Variants in FLRT1 observed in about 807,000 individuals in gnomAD.
FLRT1 encodes the protein fibronectin leucine rich transmembrane protein 1.
In FLRT1, 14 loss-of-function variants were observed where a neutral mutation model predicts 30.9. The ratio of observed to expected loss-of-function variants is 0.45; its 90% confidence interval spans 0.30 to 0.71. The LOEUF (loss-of-function observed/expected upper bound fraction) is 0.71. FLRT1 is among the 30% of genes least tolerant of loss of function. The pLI is 0.08. For missense variants in FLRT1, 737 were observed against 949.2 expected (o/e 0.78, Z 2.94); for synonymous variants, 368 against 430.4 (o/e 0.85, Z 1.80).
chr11:64,112,945 C>T (rs1408127914), intron 2 of FLRT1, among the ~76,000 whole-genome samples: 2 of 152,208 alleles, frequency 1.3e-5, no homozygotes, highest in East Asian at 3.8e-4. Flanking sequence ...ATTCTGTCAT[C>T]GGGTGGTCAC....
intron 1 of FLRT1, among the ~76,000 whole-genome samples, chr11:64,077,428 T>G (rs557844342): frequency 6.6e-6 from 1 of 152,266 alleles, no homozygotes; most frequent in South Asian, 2.1e-4. Context: ...TCCTCGGATT[T>G]TCCCCCCAAG....
intron 1 of FLRT1, among the ~76,000 whole-genome samples, chr11:64,092,073 T>C (rs1036583868): frequency 6.6e-5 from 10 of 152,266 alleles, no homozygotes; most frequent in East Asian, 1.9e-4. Flanking sequence ...GCCAGGACCA[T>C]AGCACACTCT....
chr11:64,113,142 T>G (rs1443431871), intron 2 of FLRT1, among the ~76,000 whole-genome samples: 1 of 152,240 alleles, frequency 6.6e-6, no homozygotes, highest in African/African-American at 2.4e-5. Context: ...TTGAGTAAGC[T>G]AACATCTCTG....
chr11:64,065,596 T>C (rs540673504), intron 1 of FLRT1, among the ~76,000 whole-genome samples: 89 of 150,710 alleles, frequency 5.9e-4, no homozygotes, highest in Admixed American at 2.8e-3. Flanking sequence ...AAGACCATCC[T>C]GGCTAACACG....
At chr11:64,077,422 C>T (rs1055133573) in intron 1 of FLRT1, among the ~76,000 whole-genome samples, 11 of 152,200 alleles carry the variant, frequency 7.2e-5, no homozygotes, top group African/African-American at 1.4e-4. Flanking sequence ...GCCCCGTCCT[C>T]GGATTTTCCC....
intron 1 of FLRT1, among the ~76,000 whole-genome samples, chr11:64,043,987 A>T (rs537069917): frequency 6.6e-6 from 1 of 152,032 alleles, no homozygotes; most frequent in South Asian, 2.1e-4. Flanking sequence ...CTAATTTTTC[A>T]TATTTTTAGT....
chr11:64,105,611 G>A (rs4980504), intron 2 of FLRT1, among the ~76,000 whole-genome samples: 61,068 of 152,026 alleles, frequency 0.4, 15,037 homozygotes, highest in Non-Finnish European at 0.55. Context: ...GCTAAGAGGC[G>A]TGACCCCACA....
At chr11:64,098,458 G>A (rs115020212) in intron 1 of FLRT1, among the ~76,000 whole-genome samples, 65 of 152,296 alleles carry the variant, frequency 4.3e-4, no homozygotes, top group African/African-American at 1.5e-3. Flanking sequence ...GCCCCCACAC[G>A]GCAATGCTCT....
rs1053939645 is a variant in FLRT1 at position 64,117,329 on chromosome 11, C to T, written c.1062C>T (p.Gly354=). Residue 354 remains glycine (G), a synonymous_variant, in exon 3 of 3, where the codon GGC becomes GGT. Transcript: ENST00000682287. ...KARAAVVNVR[G]LMCQGPEKVR... is the part of the protein sequence containing the mutation. ...GGGCGGCCGTGGTCAACGTGCGGGG[C>T]CTCATGTGCCAGGGCCCTGAGAAGG... 1.2e-6 allele frequency: 2 copies of T among 1,613,964 alleles called. No individual in the cohort carries two copies. Among genetic ancestry groups the T allele is most frequent in the African/African-American group, 2.7e-5 (2 of 74,936 alleles).
At chr11:64,108,079 C>T (rs557738382) in intron 2 of FLRT1, among the ~76,000 whole-genome samples, 7 of 152,102 alleles carry the variant, frequency 4.6e-5, no homozygotes, top group Admixed American at 3.3e-4. Flanking sequence ...TTTGGGAGGC[C>T]GAGGCGGGCA....
At chr11:64,097,149 C>T (rs1236490758) in intron 1 of FLRT1, among the ~76,000 whole-genome samples, 1 of 152,238 alleles carries the variant, frequency 6.6e-6, no homozygotes, top group African/African-American at 2.4e-5. Context: ...GCAGCTTCAG[C>T]TAGGGAACCC....
intron 1 of FLRT1, among the ~76,000 whole-genome samples, chr11:64,085,907 A>G (rs532632863): frequency 6.7e-6 from 1 of 149,628 alleles, no homozygotes; most frequent in African/African-American, 2.5e-5. Context: ...CTCAGGGGCC[A>G]CCCCACCCCC....
In FLRT1 at chr11:64,117,882, C is replaced by G. The variant is rs1347041558; in HGVS notation, c.1615C>G (p.Leu539Val). ...TADSYGPTTTLNQEQNAGPMA... is the reference protein window; with the variant it reads ...TADSYGPTTTVNQEQNAGPMA... ...CGACAGCTATGGCCCTACCACCACACTCAACCAGGAGCAGAACGCTGGCCC... is the reference window on the plus strand; with the variant it reads ...CGACAGCTATGGCCCTACCACCACAGTCAACCAGGAGCAGAACGCTGGCCC... Residue 539 changes from leucine to valine, a missense_variant, in exon 3 of 3, where the codon CTC (leucine) becomes GTC (valine). Leu to Val is a conservative substitution (Grantham distance 32, BLOSUM62 1). Transcript: ENST00000682287. 6.2e-7 allele frequency: 1 copy of G among 1,614,056 alleles called. No homozygotes were observed.
At position 64,096,857 on chromosome 11, in the gene FLRT1, T is replaced by C. The variant is rs1199633221; in HGVS notation, c.-1037-6337T>C. Among the ~76,000 whole-genome samples the C allele has an allele frequency of 6.6e-6, 1 of 152,128 alleles. No homozygotes were observed. ...CAAGCACACTGCCAGCTGTGTCCCT[T>C]CGAGGGCCTCCCCCGGCAGAGCTGA... On this transcript the variant is annotated intron_variant, in intron 1 of 2. Coordinates refer to ENST00000682287, the MANE Select transcript of FLRT1 (RefSeq NM_013280.5). This position sits in a 1 kb window ranked among gnomAD's most constrained non-coding sequence, Gnocchi z 4.6.
chr11:64,062,496 T>C (rs1943923463), intron 1 of FLRT1, among the ~76,000 whole-genome samples: 1 of 152,220 alleles, frequency 6.6e-6, no homozygotes. Flanking sequence ...TCAGCCAATC[T>C]GGCGCAGCCT....
chr11:64,038,497 G>A (rs1182366759), intron 1 of FLRT1, among the ~76,000 whole-genome samples: 1 of 152,184 alleles, frequency 6.6e-6, no homozygotes, highest in Non-Finnish European at 1.5e-5. Context: ...GGACGGAGAG[G>A]TGGGTGTAGA....
At chr11:64,102,713 A>C (rs1446978304) in intron 1 of FLRT1, among the ~76,000 whole-genome samples, 1 of 152,178 alleles carries the variant, frequency 6.6e-6, no homozygotes, top group East Asian at 1.9e-4. Flanking sequence ...GGAAAGAGGC[A>C]GGAGATAGGG....
intron 1 of FLRT1, among the ~76,000 whole-genome samples, chr11:64,045,769 G>A (rs1943573390): frequency 6.6e-6 from 1 of 152,216 alleles, no homozygotes; most frequent in East Asian, 1.9e-4. Context: ...TCTGGGGGAT[G>A]AGAAGGAATT....
Position 64,036,116 on chromosome 11 carries a change from C to T in FLRT1, c.-1081C>T, listed in dbSNP as rs1943375166. ...TAACCCCTGAGGCTCCAGCCGTCAC[C>T]GCAAAGTTTCCCGAGGAGACCCGCC... On this transcript the variant is annotated 5_prime_UTR_variant, in exon 1 of 3. Coordinates refer to ENST00000682287, the MANE Select transcript of FLRT1 (RefSeq NM_013280.5). This position sits in a 1 kb window ranked among gnomAD's most constrained non-coding sequence, Gnocchi z 5.6. The T allele has an allele frequency of 6.6e-6, 1 of 151,928 alleles. No homozygotes were observed. The highest frequency in any genetic ancestry group is 1.5e-5 in the Non-Finnish European group (1 of 67,980). The allele number at this position is 151,928 out of a possible 1,614,324, so 9.4% of individuals were successfully genotyped here. A position where few individuals can be genotyped will look rare whatever the true frequency, so the allele number is the denominator to read the frequency against.
Sources: allele counts gnomAD v4.1 joint callset (sites outside exome capture counted in the v4.1 genomes callset), GRCh38; gene constraint gnomAD v4.1.1; non-coding constraint Gnocchi (gnomAD v3.1); transcripts MANE v1.5; gene names NCBI Gene and HGNC (gene_info 2026-07-23, HGNC 2026-07-21).